CCDC185: variants seen among roughly 807,000 people sequenced by gnomAD.
The protein encoded by CCDC185 is coiled-coil domain-containing protein 185.
For missense variants in CCDC185, 982 were observed against 825.3 expected, an observed-to-expected ratio of 1.19 and a Z score of -2.33; for synonymous variants, 381 against 348.1, an observed-to-expected ratio of 1.09 and a Z score of -1.05.
At position 223,394,951 on chromosome 1, in the gene CCDC185, A is replaced by C. The variant is rs771156263; in HGVS notation, c.1476A>C (p.Ala492=). The C allele has an allele frequency of 6.2e-7, 1 of 1,614,154 alleles. No homozygotes were observed. The highest frequency in any genetic ancestry group is 8.5e-7 in the Non-Finnish European group (1 of 1,180,030). ...AGTTGCAGCAGGCCAGGTGGCGCGC[A>C]GGGGAGTCAGAGGAACAGAGGAAGA... The part of the protein sequence containing the change: ...EEQLQQARWR[A]GESEEQRKMR... The change falls in exon 1 of 1, where the codon GCA becomes GCC. Residue 492 remains alanine, a synonymous_variant. Coordinates refer to ENST00000366875, the MANE Select transcript of CCDC185 (RefSeq NM_152610.3).
At position 223,394,980 on chromosome 1, in the gene CCDC185, G is replaced by A. The variant is rs754309150; in HGVS notation, c.1505G>A (p.Arg502His). Residue 502 changes from arginine to histidine, a missense_variant, in exon 1 of 1, where the codon CGC (arginine) becomes CAC (histidine). Arg to His is a conservative substitution (Grantham distance 29). Transcript: ENST00000366875. ...GAGTCAGAGGAACAGAGGAAGATGC[G>A]CAAAAGAATTCTGGTGGAGCTGGCG... is the stretch of plus-strand genomic sequence containing the variant. ...AGESEEQRKM[R>H]KRILVELADE... The A allele has an allele frequency of 3.7e-6, 6 of 1,613,972 alleles. No homozygotes were observed. Among genetic ancestry groups the A allele is most frequent in the African/African-American group, 1.3e-5 (1 of 74,894 alleles).
In CCDC185 at chr1:223,395,288, C is replaced by T; in HGVS notation, c.1813C>T (p.Leu605Phe). The T allele has an allele frequency of 1.3e-6, 2 of 1,558,674 alleles. No individual in the cohort carries two copies. Among genetic ancestry groups the T allele is most frequent in the Non-Finnish European group, 1.7e-6 (2 of 1,157,682 alleles). ...GGAGAGAGCGCCTCCCAACAGCTCC[C>T]TTGATCAGATGGTACTAGAGGCCCA... is the stretch of plus-strand genomic sequence containing the variant. ...REERAPPNSSLDQMVLEAQLR... is the reference protein window; with the variant it reads ...REERAPPNSSFDQMVLEAQLR... Residue 605 changes from leucine to phenylalanine, a missense_variant, in exon 1 of 1, where the codon CTT becomes TTT. Leu to Phe is a conservative substitution (Grantham distance 22, BLOSUM62 0). Transcript: ENST00000366875.
rs1190058699 is a variant in CCDC185, at chr1:223,394,770, C to A, written c.1295C>A (p.Ala432Asp). 3 of 1,612,904 alleles carry A rather than the reference C, an allele frequency of 1.9e-6. No individual in the cohort carries two copies. Among genetic ancestry groups the A allele is most frequent in the Non-Finnish European group, 2.5e-6 (3 of 1,179,170 alleles). ...CTGAGCTCCCTCATCAATTACCAGG[C>A]CCGGAAGGTCCTCATGGACTGCCAG... The part of the protein sequence containing the change: ...TNLSSLINYQ[A>D]RKVLMDCQAK... The change falls in exon 1 of 1, where the codon GCC becomes GAC. Residue 432 changes from alanine to aspartate, a missense_variant. Transcript: ENST00000366875.
At position 223,395,039 on chromosome 1, in the gene CCDC185, C is replaced by A. The variant is rs779264658; in HGVS notation, c.1564C>A (p.His522Asn). Residue 522 changes from histidine (H) to asparagine (N), a missense_variant, in exon 1 of 1, where the codon CAC (histidine) becomes AAC (asparagine). Transcript: ENST00000366875. ...EKIRQARSHV[H>N]KTTRDKVQHL... is the part of the protein sequence containing the mutation. Reference sequence around the variant, plus strand: ...GATCCGACAGGCCAGGAGTCACGTGCACAAGACCACTAGGGACAAGGTGCA... The same window carrying A: ...GATCCGACAGGCCAGGAGTCACGTGAACAAGACCACTAGGGACAAGGTGCA... 4 of 1,614,084 alleles carry A rather than the reference C, an allele frequency of 2.5e-6. No individual in the cohort carries two copies. The South Asian group carries it at 4.4e-5, about 18-fold the overall frequency.
At position 223,394,077 on chromosome 1, in the gene CCDC185, A is replaced by G. The variant is rs1669612190; in HGVS notation, c.602A>G (p.Lys201Arg). 5.0e-6 allele frequency: 8 copies of G among 1,614,142 alleles called. No homozygotes were observed. Among genetic ancestry groups the G allele is most frequent in the East Asian group, 2.2e-5 (1 of 44,864 alleles). Residue 201 changes from lysine (K) to arginine (R), a missense_variant, in exon 1 of 1, where the codon AAG (lysine) becomes AGG (arginine). Physicochemically the swap from Lys to Arg is conservative, Grantham distance 26. Transcript: ENST00000366875. Reference sequence around the variant, plus strand: ...TCTTCTGTGCCCTCGCAAAAGTTCAAGAGGCACTCAGCCTGCGTGTGCGCC... The same window carrying G: ...TCTTCTGTGCCCTCGCAAAAGTTCAGGAGGCACTCAGCCTGCGTGTGCGCC... ...ERSSVPSQKF[K>R]RHSACVCAQK...
Position 223,395,130 on chromosome 1 carries a change from A to G in CCDC185, c.1655A>G (p.Lys552Arg). The change falls in exon 1 of 1, where the codon AAG (lysine) becomes AGG (arginine). Residue 552 changes from lysine to arginine, a missense_variant. Physicochemically the swap from Lys to Arg is conservative, Grantham distance 26 (BLOSUM62 2). Coordinates refer to ENST00000366875, the MANE Select transcript of CCDC185 (RefSeq NM_152610.3). ...CACATCCTGAAACTGAAAGCCGAGAAGGAGGAAAAGTGTCACATTGAGGGC... is the reference window on the plus strand; with the variant it reads ...CACATCCTGAAACTGAAAGCCGAGAGGGAGGAAAAGTGTCACATTGAGGGC... ...NHHILKLKAE[K>R]EEKCHIEGIK... The G allele has an allele frequency of 6.2e-7, 1 of 1,614,176 alleles. No homozygotes were observed. The highest frequency in any genetic ancestry group is 8.5e-7 in the Non-Finnish European group (1 of 1,180,034).
chr1:223,394,168 C>A lies in CCDC185; in HGVS notation c.693C>A (p.Ser231=). 1 of 1,614,072 alleles carries A rather than the reference C, an allele frequency of 6.2e-7. No individual in the cohort carries two copies. The highest frequency in any genetic ancestry group is 2.2e-5 in the East Asian group (1 of 44,876). Residue 231 remains serine, a synonymous_variant, in exon 1 of 1, where the codon TCC becomes TCA. Transcript: ENST00000366875. ...GCCGGGACTCCCAGCCCTTGGCCTCCAGCAAAGAGATGCGGAGCCCGCACA... is the reference window on the plus strand; with the variant it reads ...GCCGGGACTCCCAGCCCTTGGCCTCAAGCAAAGAGATGCGGAGCCCGCACA... ...LASRDSQPLA[S]SKEMRSPHTQ...
Position 223,394,972 on chromosome 1 carries a change from G to C in CCDC185, c.1497G>C (p.Arg499Ser), listed in dbSNP as rs751265086. The C allele has an allele frequency of 5.6e-6, 9 of 1,614,146 alleles. No individual in the cohort carries two copies. In the East Asian group the frequency reaches 2.0e-4, roughly 36 times the overall value. Residue 499 changes from arginine (R) to serine (S), a missense_variant, in exon 1 of 1, where the codon AGG (arginine) becomes AGC (serine). Coordinates refer to ENST00000366875, the MANE Select transcript of CCDC185 (RefSeq NM_152610.3). The stretch of plus-strand genomic sequence containing the variant: ...GCGCAGGGGAGTCAGAGGAACAGAG[G>C]AAGATGCGCAAAAGAATTCTGGTGG... ...RWRAGESEEQ[R>S]KMRKRILVEL... is the part of the protein sequence containing the mutation.
rs748601170 is a variant in CCDC185, at chr1:223,394,937, G to C, written c.1462G>C (p.Ala488Pro). 1 of 1,614,202 alleles carries C rather than the reference G, an allele frequency of 6.2e-7. No individual in the cohort carries two copies. Among genetic ancestry groups the C allele is most frequent in the Middle Eastern group, 1.6e-4 (1 of 6,062 alleles). The stretch of plus-strand genomic sequence containing the variant: ...GAAGGAGGAAGAGCAGTTGCAGCAG[G>C]CCAGGTGGCGCGCAGGGGAGTCAGA... ...AQKEEEQLQQ[A>P]RWRAGESEEQ... The change falls in exon 1 of 1, where the codon GCC becomes CCC. Residue 488 changes from alanine to proline, a missense_variant. Transcript: ENST00000366875.
At position 223,393,634 on chromosome 1, in the gene CCDC185, C is replaced by A. The variant is rs1292957945; in HGVS notation, c.159C>A (p.Ser53Arg). 1 of 1,527,400 alleles carries A rather than the reference C, an allele frequency of 6.5e-7. No individual in the cohort carries two copies. 94.6% of individuals were successfully genotyped at this position (1,527,400 alleles called of 1,614,324 possible). The change falls in exon 1 of 1, where the codon AGC becomes AGA. Residue 53 changes from serine to arginine, a missense_variant. Physicochemically the swap from Ser to Arg is moderately radical, Grantham distance 110. Transcript: ENST00000366875. The surrounding 1 kb of genome is among the most constrained non-coding windows in gnomAD (Gnocchi z 4.8). ...GGGCCGGGACTCCGGGTGCGGAGAG[C>A]GAAGCTGGGGCGTGCTGGCTGCACC... ...CSRAGTPGAE[S>R]EAGACWLHPH... is the part of the protein sequence containing the mutation.
rs751175288 is a variant in CCDC185, at chr1:223,394,107, A to G, written c.632A>G (p.Lys211Arg). 4 of 1,614,116 alleles carry G rather than the reference A, an allele frequency of 2.5e-6. No homozygotes were observed. The highest frequency in any genetic ancestry group is 3.4e-6 in the Non-Finnish European group (4 of 1,180,012). ...KRHSACVCAQKRDSSDQVESL... is the reference protein window; with the variant it reads ...KRHSACVCAQRRDSSDQVESL... Reference sequence around the variant, plus strand: ...CACTCAGCCTGCGTGTGCGCCCAGAAGAGAGACAGCAGCGACCAGGTTGAG... The same window carrying G: ...CACTCAGCCTGCGTGTGCGCCCAGAGGAGAGACAGCAGCGACCAGGTTGAG... The change falls in exon 1 of 1, where the codon AAG becomes AGG. Residue 211 changes from lysine to arginine, a missense_variant. By Grantham distance (26) the Lys-to-Arg change is conservative (BLOSUM62 2). Coordinates refer to ENST00000366875, the MANE Select transcript of CCDC185 (RefSeq NM_152610.3).
At position 223,394,343 on chromosome 1, in the gene CCDC185, T is replaced by C; in HGVS notation, c.868T>C (p.Ser290Pro). The C allele has an allele frequency of 6.3e-7, 1 of 1,595,314 alleles. No individual in the cohort carries two copies. The highest frequency in any genetic ancestry group is 8.5e-7 in the Non-Finnish European group (1 of 1,171,170). ...AAKAWEELKR[S>P]DQKVQMTLER... ...TAAGGCCTGGGAGGAGCTGAAGCGCTCGGATCAGAAGGTCCAGATGACCCT... is the reference window on the plus strand; with the variant it reads ...TAAGGCCTGGGAGGAGCTGAAGCGCCCGGATCAGAAGGTCCAGATGACCCT... Residue 290 changes from serine (S) to proline (P), a missense_variant, in exon 1 of 1, where the codon TCG becomes CCG. Transcript: ENST00000366875.
Position 223,394,302 on chromosome 1 carries a change from TGCAGCAGCAGGC to T in CCDC185, c.829_840del (p.Gln277_Ala280del). 1 of 1,612,576 alleles carries T rather than the reference TGCAGCAGCAGGC, an allele frequency of 6.2e-7. No individual in the cohort carries two copies. The highest frequency in any genetic ancestry group is 1.1e-5 in the South Asian group (1 of 90,924). ...AAGAAGGCCCAGAGGATACGGGAGCTGCAGCAGCAGGCGGCTAAGGCCTGGGAGGAGCTGAAG... is the reference window on the plus strand; with the variant it reads ...AAGAAGGCCCAGAGGATACGGGAGCTGGCTAAGGCCTGGGAGGAGCTGAAG... On this transcript the variant is annotated inframe_deletion, in exon 1 of 1. Coordinates refer to ENST00000366875, the MANE Select transcript of CCDC185 (RefSeq NM_152610.3).
At position 223,394,712 on chromosome 1, in the gene CCDC185, G is replaced by C. The variant is rs146170796; in HGVS notation, c.1237G>C (p.Val413Leu). ...CTGTCGCAAGAGGCACCTACATGCC[G>C]TGGAGGGCCAGAAGAAGGTCCAGGA... ...EACRKRHLHAVEGQKKVQDTN... is the reference protein window; with the variant it reads ...EACRKRHLHALEGQKKVQDTN... The change falls in exon 1 of 1, where the codon GTG (valine) becomes CTG (leucine). Residue 413 changes from valine to leucine, a missense_variant. Coordinates refer to ENST00000366875, the MANE Select transcript of CCDC185 (RefSeq NM_152610.3). 6.8e-6 allele frequency: 11 copies of C among 1,611,254 alleles called. No homozygotes were observed. Among genetic ancestry groups the C allele is most frequent in the Middle Eastern group, 1.6e-4 (1 of 6,068 alleles).
In CCDC185 at chr1:223,394,569, G is replaced by A. The variant is rs377164318; in HGVS notation, c.1094G>A (p.Arg365His). 1.2e-5 allele frequency: 19 copies of A among 1,606,954 alleles called. No individual in the cohort carries two copies. The highest frequency in any genetic ancestry group is 8.0e-5 in the African/African-American group (6 of 74,796). Residue 365 changes from arginine (R) to histidine (H), a missense_variant, in exon 1 of 1, where the codon CGC (arginine) becomes CAC (histidine). Arg to His is a conservative substitution (Grantham distance 29, BLOSUM62 0). Coordinates refer to ENST00000366875, the MANE Select transcript of CCDC185 (RefSeq NM_152610.3). ...CGCCAGGAGAAGCTGGAGAAGGCGC[G>A]CGCCCAGGCAGAGCACCGAAAACAG... The part of the protein sequence containing the change: ...SPRQEKLEKA[R>H]AQAEHRKQCQ...
chr1:223,395,445 A>G lies in CCDC185; in HGVS notation c.*98A>G. 7.9e-7 allele frequency: 1 copy of G among 1,258,700 alleles called. No homozygotes were observed. The highest frequency in any genetic ancestry group is 1.0e-6 in the Non-Finnish European group (1 of 963,562). The allele number at this position is 1,258,700 out of a possible 1,614,324, so 78.0% of individuals were successfully genotyped here. A position where few individuals can be genotyped will look rare whatever the true frequency, so the allele number is the denominator to read the frequency against. The stretch of plus-strand genomic sequence containing the variant: ...TTATAATTGAACATTGATTTTAAAA[A>G]AGCATGTAAAATAGCTGCAATTTCC... On this transcript the variant is annotated 3_prime_UTR_variant, in exon 1 of 1. Coordinates refer to ENST00000366875, the MANE Select transcript of CCDC185 (RefSeq NM_152610.3).
Position 223,394,992 on chromosome 1 carries a change from T to C in CCDC185, c.1517T>C (p.Leu506Pro). 1.2e-6 allele frequency: 2 copies of C among 1,614,022 alleles called. No individual in the cohort carries two copies. The highest frequency in any genetic ancestry group is 1.1e-5 in the South Asian group (1 of 91,068). Residue 506 changes from leucine to proline, a missense_variant, in exon 1 of 1, where the codon CTG becomes CCG. By Grantham distance (98) the Leu-to-Pro change is moderately conservative. Transcript: ENST00000366875. ...EEQRKMRKRILVELADEKIRQ... is the reference protein window; with the variant it reads ...EEQRKMRKRIPVELADEKIRQ... ...CAGAGGAAGATGCGCAAAAGAATTCTGGTGGAGCTGGCGGATGAGAAGATC... is the reference window on the plus strand; with the variant it reads ...CAGAGGAAGATGCGCAAAAGAATTCCGGTGGAGCTGGCGGATGAGAAGATC...
rs12068711 is a variant in CCDC185, at chr1:223,394,631, C to T, written c.1156C>T (p.Leu386=). 6.2e-7 allele frequency: 1 copy of T among 1,613,198 alleles called. No homozygotes were observed. Among genetic ancestry groups the T allele is most frequent in the Non-Finnish European group, 8.5e-7 (1 of 1,179,862 alleles). ...VRRLREQEKM[L]RNLREQHSLQ... is the part of the protein sequence containing the mutation. Reference sequence around the variant, plus strand: ...GCGCCTGCGGGAGCAGGAGAAGATGCTACGGAACCTCCGGGAGCAGCACAG... The same window carrying T: ...GCGCCTGCGGGAGCAGGAGAAGATGTTACGGAACCTCCGGGAGCAGCACAG... The change falls in exon 1 of 1, where the codon CTA becomes TTA. Residue 386 remains leucine, a synonymous_variant. Coordinates refer to ENST00000366875, the MANE Select transcript of CCDC185 (RefSeq NM_152610.3).
Position 223,394,810 on chromosome 1 carries a change from G to T in CCDC185, c.1335G>T (p.Glu445Asp), listed in dbSNP as rs778606412. Residue 445 changes from glutamate (E) to aspartate (D), a missense_variant, in exon 1 of 1, where the codon GAG (glutamate) becomes GAT (aspartate). Glu to Asp is a conservative substitution (Grantham distance 45). Transcript: ENST00000366875. The stretch of plus-strand genomic sequence containing the variant: ...TGGACTGCCAGGCCAAGGCTGAGGA[G>T]CTCCTTAGGCAGCTGTCCCTGGAAC... ...VLMDCQAKAE[E>D]LLRQLSLEQS... The T allele has an allele frequency of 9.9e-6, 16 of 1,613,442 alleles. No homozygotes were observed. Among genetic ancestry groups the T allele is most frequent in the Non-Finnish European group, 1.4e-5 (16 of 1,179,460 alleles).
Sources: allele counts gnomAD v4.1 joint callset, GRCh38; gene constraint gnomAD v4.1.1; non-coding constraint Gnocchi (gnomAD v3.1); transcripts MANE v1.5; gene names NCBI Gene and HGNC (gene_info 2026-07-23, HGNC 2026-07-21).